Variants in PHEX observed in about 807,000 individuals in gnomAD.
The protein encoded by PHEX is phosphate regulating endopeptidase X-linked, also known as phosphate-regulating neutral endopeptidase PHEX.
Under a neutral mutation model 68.0 loss-of-function variants are expected in PHEX, and 16 were observed. The observed-to-expected ratio is 0.24, with a 90% CI of 0.16 to 0.36. PHEX has a LOEUF of 0.36. Ranked by LOEUF, PHEX falls within the 10% of genes least tolerant of loss-of-function variation. The pLI, the probability that PHEX is intolerant of heterozygous loss-of-function variation, is 1.00. For synonymous variants in PHEX, 208 were observed against 205.1 expected (o/e 1.01, Z -0.12); for missense variants, 480 against 575.5 (o/e 0.83, Z 1.70).
At chrX:22,073,489 A>T (rs746712368) in intron 3 of PHEX, among the ~76,000 whole-genome samples, 1 of 111,286 alleles carries the variant, frequency 9.0e-6, no homozygotes, top group Non-Finnish European at 1.9e-5. Flanking sequence ...CCCCCTTCCC[A>T]CATGTCTATT....
intron 3 of PHEX, among the ~76,000 whole-genome samples, chrX:22,070,416 A>G (rs1180040334): frequency 8.9e-6 from 1 of 112,144 alleles, no homozygotes. Flanking sequence ...GTAGTGGCTC[A>G]TGCCTGTAAT....
chrX:22,223,545 T>C (rs922642547), intron 18 of PHEX, among the ~76,000 whole-genome samples: 1 of 111,939 alleles, frequency 8.9e-6, no homozygotes, highest in East Asian at 2.8e-4. Context: ...AGGATTTTGA[T>C]ACCAGCCTGG....
At chrX:22,079,677 C>T (rs1929303916) in intron 5 of PHEX, among the ~76,000 whole-genome samples, 1 of 110,528 alleles carries the variant, frequency 9.0e-6, no homozygotes, top group Admixed American at 9.7e-5. Context: ...GTCTGTTTTA[C>T]TCCACAAGGG....
At chrX:22,200,043 C>T (rs1223282479) in intron 15 of PHEX, among the ~76,000 whole-genome samples, 1 of 111,863 alleles carries the variant, frequency 8.9e-6, no homozygotes, top group African/African-American at 3.3e-5. Context: ...TTCTGTGCAG[C>T]TAGGCTTTGC....
At chrX:22,145,149 C>G (rs765991622) in intron 12 of PHEX, among the ~76,000 whole-genome samples, 5 of 112,022 alleles carry the variant, frequency 4.5e-5, no homozygotes, top group Non-Finnish European at 9.4e-5. Flanking sequence ...CAGGTGTTGT[C>G]AGCCTGATCC....
intron 16 of PHEX, among the ~76,000 whole-genome samples, chrX:22,214,875 T>A (rs73201149): frequency 4.8e-3 from 533 of 112,120 alleles, no homozygotes; most frequent in Non-Finnish European, 8.4e-3. Flanking sequence ...ATTAATAATA[T>A]CCCAGGCCTC....
intron 9 of PHEX, among the ~76,000 whole-genome samples, chrX:22,104,350 G>C (rs1930572226): frequency 9.1e-6 from 1 of 110,166 alleles, no homozygotes; most frequent in Middle Eastern, 4.2e-3. Flanking sequence ...AACCACACCA[G>C]CCCTTGCAGT....
intron 2 of PHEX, among the ~76,000 whole-genome samples, chrX:22,041,263 CTCTATATATATATATA>C (rs1380383941): frequency 1.5e-5 from 1 of 65,386 alleles, no homozygotes; most frequent in Non-Finnish European, 2.7e-5. Context: ...CTCTCTCTCT[CTCTATATATATATATA>C]TATATATATA....
intron 20 of PHEX, among the ~76,000 whole-genome samples, chrX:22,230,575 G>A (rs1935695298): frequency 9.1e-6 from 1 of 109,552 alleles, no homozygotes; most frequent in Non-Finnish European, 1.9e-5. Flanking sequence ...TTGGCTCTCT[G>A]TTTGTCTGTG....
intron 18 of PHEX, among the ~76,000 whole-genome samples, chrX:22,225,520 T>C (rs2285078): frequency 0.45 from 49,491 of 110,568 alleles, 9,451 homozygotes; most frequent in African/African-American, 0.73. Context: ...AATTGAGGCT[T>C]TGTGGGGCGT....
chrX:22,245,098 TG>T (rs1936353638), intron 20 of PHEX, among the ~76,000 whole-genome samples: 1 of 112,294 alleles, frequency 8.9e-6, no homozygotes, highest in South Asian at 3.7e-4. Flanking sequence ...AGCACTTGTC[TG>T]GAAACCTTTC....
chrX:22,171,755 C>A (rs1350109990), intron 13 of PHEX: 1 of 111,878 alleles, frequency 8.9e-6, no homozygotes, highest in African/African-American at 3.2e-5. Context: ...ATTCCTGGTA[C>A]ACAATGAGAC....
intron 1 of PHEX, 54 bp from the exon 2 acceptor site, chrX:22,038,415 T>G: frequency 2.6e-6 from 2 of 773,299 alleles, no homozygotes; most frequent in Non-Finnish European, 4.0e-6. Flanking sequence ...GAGGGTGGTT[T>G]ACCGGATGGT....
intron 7 of PHEX, 41 bp downstream of exon 7, chrX:22,094,140 TTTTCTTTTCCTTTAC>T (rs757346784): frequency 2.7e-5 from 21 of 776,800 alleles, no homozygotes; most frequent in Non-Finnish European, 3.7e-5. Flanking sequence ...CTTTACTTTC[TTTTCTTTTCCTTTAC>T]TTTCTTTTCC....
chrX:22,055,923 T>G (rs761362342), intron 3 of PHEX, among the ~76,000 whole-genome samples: 39 of 111,888 alleles, frequency 3.5e-4, no homozygotes, highest in Non-Finnish European at 6.0e-4. Context: ...TTTTTGACTC[T>G]TGTCTGCTCT....
intron 20 of PHEX, among the ~76,000 whole-genome samples, chrX:22,244,900 T>C (rs2147213418): frequency 9.0e-6 from 1 of 111,606 alleles, no homozygotes; most frequent in African/African-American, 3.3e-5. Flanking sequence ...CAGACTAGGG[T>C]GAAGCGAGCA....
At chrX:22,048,162 G>A (rs1927632366) in intron 3 of PHEX, among the ~76,000 whole-genome samples, 1 of 111,090 alleles carries the variant, frequency 9.0e-6, no homozygotes, top group Admixed American at 9.7e-5. Flanking sequence ...GATACCTATT[G>A]TCAATTGTAA....
intron 20 of PHEX, among the ~76,000 whole-genome samples, chrX:22,241,337 A>G (rs182827017): frequency 3.6e-4 from 40 of 112,320 alleles, no homozygotes; most frequent in Admixed American, 2.8e-3. Flanking sequence ...AAGATCTAAA[A>G]TTGACACCCT....
intron 12 of PHEX, among the ~76,000 whole-genome samples, chrX:22,149,963 C>T (rs1316904405): frequency 1.8e-5 from 2 of 110,836 alleles, no homozygotes; most frequent in African/African-American, 6.6e-5. Context: ...AGTCTCTTTT[C>T]TCTCTTCTTC....
Sources: gnomAD v4.1 joint callset for allele counts (sites outside exome capture counted in the v4.1 genomes callset) on GRCh38, gnomAD v4.1.1 for gene constraint, MANE v1.5 for transcripts, NCBI Gene and HGNC (gene_info 2026-07-23, HGNC 2026-07-21) for gene names.